The following ULK4 variants were observed in gnomAD, a reference collection of about 807,000 sequenced individuals.
ULK4 encodes the protein inactive serine/threonine-protein kinase ULK4.
ULK4 carries 133 observed loss-of-function variants against 160.6 expected under a neutral mutation model. That is an observed-to-expected ratio of 0.83 (90% CI 0.72 to 0.96). The LOEUF (loss-of-function observed/expected upper bound fraction) is 0.96. Among genes scored for constraint, ULK4 ranks in the 40% least tolerant of loss-of-function variants. The pLI is 0.00. For synonymous variants in ULK4, 534 were observed against 539.8 expected (o/e 0.99, Z 0.15); for missense variants, 1,580 against 1,499.5 (o/e 1.05, Z -0.89).
intron 35 of ULK4, among the ~76,000 whole-genome samples, chr3:41,276,987 C>T (rs1158335425): frequency 1.3e-5 from 2 of 152,076 alleles, no homozygotes; most frequent in Admixed American, 6.5e-5. Context: ...CCTTTACACA[C>T]ATAAACTAGA....
At chr3:41,719,043 C>T (rs976990168) in intron 22 of ULK4, among the ~76,000 whole-genome samples, 3 of 152,202 alleles carry the variant, frequency 2.0e-5, no homozygotes, top group African/African-American at 7.2e-5. Context: ...TCATCACTAT[C>T]TCTAAAGTCA....
intron 2 of ULK4, among the ~76,000 whole-genome samples, chr3:41,941,650 G>C (rs1431657586): frequency 6.7e-6 from 1 of 149,710 alleles, no homozygotes; most frequent in Non-Finnish European, 1.5e-5. Context: ...CCAGCTACTA[G>C]GGAGGCTGCG....
intron 19 of ULK4, among the ~76,000 whole-genome samples, chr3:41,807,002 C>T (rs976951141): frequency 1.3e-5 from 2 of 151,924 alleles, no homozygotes; most frequent in African/African-American, 2.4e-5. Context: ...ATGGTACACG[C>T]CTATAGTCCC....
chr3:41,379,196 A>C (rs1326230158), intron 35 of ULK4, among the ~76,000 whole-genome samples: 2 of 146,858 alleles, frequency 1.4e-5, no homozygotes, highest in South Asian at 4.2e-4. Context: ...CCAGAACTTA[A>C]AGTATTTAAA....
intron 32 of ULK4, among the ~76,000 whole-genome samples, chr3:41,488,950 A>C (rs1331924265): frequency 1.3e-5 from 2 of 152,120 alleles, no homozygotes; most frequent in Non-Finnish European, 2.9e-5. Context: ...TCTCGGAGTA[A>C]GAGAAACTCC....
chr3:41,283,494 G>T (rs1333754930), intron 35 of ULK4, among the ~76,000 whole-genome samples: 1 of 152,162 alleles, frequency 6.6e-6, no homozygotes, highest in African/African-American at 2.4e-5. Flanking sequence ...CATGTCCTTT[G>T]CAGGGACATG....
intron 30 of ULK4, among the ~76,000 whole-genome samples, chr3:41,629,384 C>G (rs75934639): frequency 6.6e-6 from 1 of 152,096 alleles, no homozygotes. Flanking sequence ...CTCCATGCAG[C>G]TTGGCCTCTC....
At chr3:41,593,746 C>A (rs944761777) in intron 31 of ULK4, among the ~76,000 whole-genome samples, 2 of 152,088 alleles carry the variant, frequency 1.3e-5, no homozygotes, top group Non-Finnish European at 2.9e-5. Flanking sequence ...AGAAAAATAG[C>A]CTGGCTGGGC....
intron 32 of ULK4, among the ~76,000 whole-genome samples, chr3:41,482,062 C>T (rs1036270019): frequency 1.3e-5 from 2 of 152,088 alleles, no homozygotes; most frequent in Admixed American, 1.3e-4. Flanking sequence ...TATGAAGTAG[C>T]TATTCTTTCA....
chr3:41,708,155 A>G (rs1209209923), intron 25 of ULK4, among the ~76,000 whole-genome samples: 4 of 145,582 alleles, frequency 2.7e-5, no homozygotes, highest in African/African-American at 1.1e-4. Context: ...AAGCAATCCA[A>G]CTACTGAAAT....
chr3:41,607,723 A>G (rs1485394348), intron 31 of ULK4, among the ~76,000 whole-genome samples: 1 of 152,206 alleles, frequency 6.6e-6, no homozygotes, highest in African/African-American at 2.4e-5. Context: ...GAGACTGGCT[A>G]AACAAATTCT....
chr3:41,923,073 C>A (rs1187030823), intron 5 of ULK4, among the ~76,000 whole-genome samples: 1 of 151,590 alleles, frequency 6.6e-6, no homozygotes, highest in Non-Finnish European at 1.5e-5. Flanking sequence ...ACTCGGGAGG[C>A]AGGAGAATTG....
chr3:41,563,191 C>T (rs927762538), intron 32 of ULK4, among the ~76,000 whole-genome samples: 4 of 152,214 alleles, frequency 2.6e-5, no homozygotes, highest in Non-Finnish European at 5.9e-5. Context: ...TTGGCCCCCA[C>T]TCTCTTCTGG....
chr3:41,677,442 C>A (rs1175023796), intron 29 of ULK4, among the ~76,000 whole-genome samples: 1 of 151,810 alleles, frequency 6.6e-6, no homozygotes, highest in Non-Finnish European at 1.5e-5. Flanking sequence ...TGCCATTCTC[C>A]TGCCTCAGCC....
Position 41,896,884 on chromosome 3 carries a change from A to C in ULK4, c.1468T>G (p.Cys490Gly). ...TGACCAGCCACCACGCACAAATAGC[A>C]AAGGAGATTCAGCTTGGCTCGGGAG... ...GASRAKLNLL[C>G]YLCVVAGHQE... The change falls in exon 15 of 37, where the codon TGC becomes GGC. Residue 490 changes from cysteine to glycine, a missense_variant. Transcript: ENST00000301831. 2 of 1,613,602 alleles carry C rather than the reference A, an allele frequency of 1.2e-6. No homozygotes were observed. Among genetic ancestry groups the C allele is most frequent in the Non-Finnish European group, 1.7e-6 (2 of 1,179,852 alleles).
chr3:41,423,340 T>C (rs1240978877), intron 34 of ULK4, among the ~76,000 whole-genome samples: 3 of 152,172 alleles, frequency 2.0e-5, no homozygotes, highest in Non-Finnish European at 4.4e-5. Flanking sequence ...GATATAAATC[T>C]GTCTTTCCTA....
rs2082106219 is a variant in ULK4 at position 41,398,241 on chromosome 3, A to G, written c.3516T>C (p.Ile1172=). ...IPLLPNEDPE[I]FDVSSKCLSI... The stretch of plus-strand genomic sequence containing the variant: ...ACAGGCACTTGGATGAAACATCAAA[A>G]ATCTCAGGATCTTCATTAGGAAGCT... Residue 1172 remains isoleucine (I), a synonymous_variant, in exon 35 of 37, where the codon ATT becomes ATC. Transcript: ENST00000301831. 1 of 1,611,900 alleles carries G rather than the reference A, an allele frequency of 6.2e-7. No individual in the cohort carries two copies. Among genetic ancestry groups the G allele is most frequent in the Admixed American group, 1.7e-5 (1 of 59,388 alleles).
rs1559406622 is a variant in ULK4, at chr3:41,574,528, C to CTTTTTTTTTTTTT, written c.3121-8399_3121-8398insAAAAAAAAAAAAA. On this transcript the variant is annotated intron_variant, in intron 31 of 36. Transcript: ENST00000301831. ...TCACCTCCACTACTGCTACCAGAGT[C>CTTTTTTTTTTTTT]CTCTTTTTTTTTTTTTTTTTTTTTT... 2.8e-5 allele frequency among the ~76,000 whole-genome samples: 3 copies of CTTTTTTTTTTTTT among 106,286 alleles called. 1 individual carries two copies. Among genetic ancestry groups the CTTTTTTTTTTTTT allele is most frequent in the Non-Finnish European group, 1.9e-5 (1 of 52,552 alleles). 69.7% of individuals were successfully genotyped at this position (106,286 alleles called of 152,430 possible). A position where few individuals can be genotyped will look rare whatever the true frequency, so the allele number is the denominator to read the frequency against.
chr3:41,728,936 G>C (rs1256260614), intron 22 of ULK4, among the ~76,000 whole-genome samples: 2 of 152,062 alleles, frequency 1.3e-5, no homozygotes, highest in African/African-American at 2.4e-5. Flanking sequence ...CAATGCCTAT[G>C]ATGACTGTCT....
Sources: allele counts gnomAD v4.1 joint callset (sites outside exome capture counted in the v4.1 genomes callset), GRCh38; gene constraint gnomAD v4.1.1; transcripts MANE v1.5; gene names NCBI Gene and HGNC (gene_info 2026-07-23, HGNC 2026-07-21).